The following PPEF2 variants were observed in gnomAD, a reference collection of about 807,000 sequenced individuals.
The protein encoded by PPEF2 is protein phosphatase with EF-hand domain 2, also known as serine/threonine-protein phosphatase with EF-hands 2.
In PPEF2, 84 loss-of-function variants were observed where a neutral mutation model predicts 84.7. The ratio of observed to expected loss-of-function variants is 0.99; its 90% CI spans 0.83 to 1.19. PPEF2 has a LOEUF of 1.19. Ranked by LOEUF, PPEF2 falls within the 50% of genes most tolerant of loss-of-function variation. The pLI is 0.00. For missense variants in PPEF2, 924 were observed against 937.5 expected, an observed-to-expected ratio of 0.99 and a Z score of 0.19; for synonymous variants, 346 against 345.2, an observed-to-expected ratio of 1.00 and a Z score of -0.03.
intron 2 of PPEF2, among the ~76,000 whole-genome samples, chr4:75,892,637 C>T (rs1025133700): frequency 1.7e-4 from 26 of 152,188 alleles, no homozygotes; most frequent in Non-Finnish European, 3.8e-4. Flanking sequence ...GCTTTAAGCA[C>T]CCCCGTCATA....
intron 13 of PPEF2, among the ~76,000 whole-genome samples, chr4:75,867,777 TG>T (rs1724167384): frequency 6.6e-6 from 1 of 152,224 alleles, no homozygotes; most frequent in Non-Finnish European, 1.5e-5. Context: ...AGTAATTTCA[TG>T]TACAGCACTT....
rs78305413 is a variant in PPEF2, at chr4:75,864,441, T to A, written c.2007A>T (p.Ser669=). 6.3e-7 allele frequency: 1 copy of A among 1,596,554 alleles called. No individual in the cohort carries two copies. The highest frequency in any genetic ancestry group is 1.3e-5 in the African/African-American group (1 of 74,452). ...TGATAGAATAATGAGTGCCTTTACC[T>A]GAATGATCACTGTCTATGATCCTAA... ...TIFRIIDSDH[S]GFISLDEFRQ... is the part of the protein sequence containing the mutation. The change falls in exon 16 of 17, where the codon TCA becomes TCT. Residue 669 remains serine, a splice_region_variant and synonymous_variant. Transcript: ENST00000286719.
chr4:75,866,466 A>G (rs770495123), intron 14 of PPEF2, 114 bp from the exon 15 acceptor site: 15 of 1,318,600 alleles, frequency 1.1e-5, no homozygotes, highest in Non-Finnish European at 1.5e-5. Flanking sequence ...AATAGAAATA[A>G]TGGGCACTGT....
At chr4:75,896,227 C>T in intron 2 of PPEF2, 44 bp downstream of exon 2, 4 of 1,593,310 alleles carry the variant, frequency 2.5e-6, no homozygotes, top group Non-Finnish European at 1.7e-6. Flanking sequence ...GCAATATGGG[C>T]TTTGTGGTAC....
At position 75,860,371 on chromosome 4, in the gene PPEF2, G is replaced by C; in HGVS notation, c.*296C>G. 2.7e-6 allele frequency: 1 copy of C among 373,480 alleles called. No homozygotes were observed. Among genetic ancestry groups the C allele is most frequent in the Non-Finnish European group, 4.9e-6 (1 of 205,992 alleles). 23.1% of individuals were successfully genotyped at this position (373,480 alleles called of 1,614,324 possible). On this transcript the variant is annotated 3_prime_UTR_variant, in exon 17 of 17. Transcript: ENST00000286719. The stretch of plus-strand genomic sequence containing the variant: ...AAAACGTATAAAATGAAAACAATGA[G>C]AGAGTTACATTGTCAGTGGTTCTTA...
At chr4:75,901,128 A>C (rs1257235507) in intron 1 of PPEF2, among the ~76,000 whole-genome samples, 5 of 152,250 alleles carry the variant, frequency 3.3e-5, no homozygotes, top group Non-Finnish European at 7.3e-5. Flanking sequence ...AAGAAAAATT[A>C]GAAAGTGGCT....
rs1377107489 is a variant in PPEF2, at chr4:75,867,428, G to A, written c.1650-9C>T. Reference sequence around the variant, plus strand: ...CCTCCACTCTGCTAATCCTGGGACAGGAGATGAAAAGCGACATTTTAACAC... The same window carrying A: ...CCTCCACTCTGCTAATCCTGGGACAAGAGATGAAAAGCGACATTTTAACAC... On this transcript the variant is annotated splice_polypyrimidine_tract_variant and intron_variant, in intron 13 of 16. Coordinates refer to ENST00000286719, the MANE Select transcript of PPEF2 (RefSeq NM_006239.3). 1.7e-5 allele frequency: 27 copies of A among 1,600,106 alleles called. No homozygotes were observed. The highest frequency in any genetic ancestry group is 2.7e-5 in the African/African-American group (2 of 74,088).
chr4:75,886,776 T>G, intron 7 of PPEF2, 76 bp downstream of exon 7: 1 of 799,084 alleles, frequency 1.3e-6, no homozygotes, highest in Non-Finnish European at 2.0e-6. Context: ...TTTAAGCATT[T>G]GTTCAATTGA....
Position 75,860,634 on chromosome 4 carries a change from G to A in PPEF2, c.*33C>T. ...TAGTGAGAAGCTGAGCATTGCCTATGAGGCACTTTGGGTGATGAAGACCAG... is the reference window on the plus strand; with the variant it reads ...TAGTGAGAAGCTGAGCATTGCCTATAAGGCACTTTGGGTGATGAAGACCAG... On this transcript the variant is annotated 3_prime_UTR_variant, in exon 17 of 17. Transcript: ENST00000286719. 2 of 1,610,220 alleles carry A rather than the reference G, an allele frequency of 1.2e-6. No individual in the cohort carries two copies. Among genetic ancestry groups the A allele is most frequent in the Non-Finnish European group, 1.7e-6 (2 of 1,177,716 alleles).
At chr4:75,901,481 A>T (rs1431313899) in intron 1 of PPEF2, among the ~76,000 whole-genome samples, 1 of 151,800 alleles carries the variant, frequency 6.6e-6, no homozygotes, top group Non-Finnish European at 1.5e-5. Flanking sequence ...AGATTTCGCC[A>T]CTACACTCCA....
At chr4:75,889,142 G>A (rs1006534128) in intron 5 of PPEF2, 1 of 152,300 alleles carries the variant, frequency 6.6e-6, no homozygotes, top group African/African-American at 2.4e-5. Context: ...AACCCAGGAA[G>A]CGGATGTTGC....
At position 75,897,406 on chromosome 4, in the gene PPEF2, C is replaced by T. The variant is rs957688522; in HGVS notation, c.-58-1023G>A. ...CTTCCTACCTCTTAGATCTCTGTCT[C>T]CATCCCAGATGATCCCTAAACTTCA... On this transcript the variant is annotated intron_variant, in intron 1 of 16. Coordinates refer to ENST00000286719, the MANE Select transcript of PPEF2 (RefSeq NM_006239.3). Among the ~76,000 whole-genome samples the T allele has an allele frequency of 2.6e-5, 4 of 152,190 alleles. No individual in the cohort carries two copies. The South Asian group carries it at 6.2e-4, about 24-fold the overall frequency.
At position 75,882,940 on chromosome 4, in the gene PPEF2, T is replaced by C; in HGVS notation, c.919A>G (p.Ile307Val). ...DITDLELLDK[I>V]ERSKIVSTMR... ...TTAACCACTACCTTGCTCCTCTCTA[T>C]TTTGTCCAAAAGCTCCAGATCAGTT... The change falls in exon 10 of 17, where the codon ATA (isoleucine) becomes GTA (valine). Residue 307 changes from isoleucine (I) to valine (V), a missense_variant. By Grantham distance (29) the Ile-to-Val change is conservative (BLOSUM62 3). Transcript: ENST00000286719. 6.2e-7 allele frequency: 1 copy of C among 1,612,602 alleles called. No individual in the cohort carries two copies. The highest frequency in any genetic ancestry group is 1.1e-5 in the South Asian group (1 of 90,592).
At position 75,889,902 on chromosome 4, in the gene PPEF2, C is replaced by T; in HGVS notation, c.417+55G>A. 3 of 1,584,410 alleles carry T rather than the reference C, an allele frequency of 1.9e-6. No individual in the cohort carries two copies. The South Asian group carries it at 3.3e-5, about 18-fold the overall frequency. Reference sequence around the variant, plus strand: ...ATTCTTTCTGTGCTGGGTTTCGTCTCCCTTCACACATTTCATGGAGTTGGT... The same window carrying T: ...ATTCTTTCTGTGCTGGGTTTCGTCTTCCTTCACACATTTCATGGAGTTGGT... On this transcript the variant is annotated intron_variant, in intron 5 of 16. Transcript: ENST00000286719.
chr4:75,897,037 T>C (rs1034044147), intron 1 of PPEF2, among the ~76,000 whole-genome samples: 17 of 152,116 alleles, frequency 1.1e-4, no homozygotes, highest in Admixed American at 9.8e-4. Context: ...GCATTTTTAG[T>C]AGAGACGGGG....
At chr4:75,863,031 T>A (rs1724042380) in intron 16 of PPEF2, among the ~76,000 whole-genome samples, 1 of 152,146 alleles carries the variant, frequency 6.6e-6, no homozygotes, top group South Asian at 2.1e-4. Context: ...CTAGGTGACA[T>A]AATCCAGACA....
At chr4:75,883,496 T>C in intron 8 of PPEF2, 1 of 376,206 alleles carries the variant, frequency 2.7e-6, no homozygotes, top group Non-Finnish European at 4.8e-6. Flanking sequence ...AATGGTTTCA[T>C]TGGAATAGTA....
At chr4:75,873,876 G>A (rs1724345409) in intron 11 of PPEF2, among the ~76,000 whole-genome samples, 1 of 151,976 alleles carries the variant, frequency 6.6e-6, no homozygotes, top group Non-Finnish European at 1.5e-5. Flanking sequence ...GGAGGCTGAG[G>A]TAGGTGGACC....
rs143278738 is a variant in PPEF2, at chr4:75,891,502, C to T, written c.241+146G>A. On this transcript the variant is annotated intron_variant, in intron 4 of 16. Transcript: ENST00000286719. ...TGTTCAGGAGAACCTGGCATAAAAC[C>T]CCAGTCTGCCATTTACTCCTCAGCC... 4,225 of 834,350 alleles carry T rather than the reference C, an allele frequency of 5.1e-3. 25 individuals are homozygous for T. The highest frequency in any genetic ancestry group is 7.4e-3 in the Middle Eastern group (19 of 2,578). 51.7% of individuals were successfully genotyped at this position (834,350 alleles called of 1,614,324 possible).
Sources: gnomAD v4.1 joint callset for allele counts (sites outside exome capture counted in the v4.1 genomes callset) on GRCh38, gnomAD v4.1.1 for gene constraint, MANE v1.5 for transcripts, NCBI Gene and HGNC (gene_info 2026-07-23, HGNC 2026-07-21) for gene names.